The following KMO variants were observed in gnomAD, a reference collection of about 807,000 sequenced individuals.
The protein encoded by KMO is kynurenine 3-hydroxylase.
A neutral mutation model predicts 57.8 loss-of-function variants in KMO; 24 were observed. The ratio of observed to expected loss-of-function variants is 0.42; its 90% CI spans 0.30 to 0.58. The LOEUF (loss-of-function observed/expected upper bound fraction) is 0.58. Ranked by LOEUF, KMO falls within the 20% of genes least tolerant of loss-of-function variation. The probability of loss-of-function intolerance (pLI) is 0.22; values close to 1 mark genes in which losing one functional copy is unlikely to be tolerated. For synonymous variants in KMO, 210 were observed against 193.6 expected, an observed-to-expected ratio of 1.08 and a Z score of -0.70; for missense variants, 483 against 588.2, an observed-to-expected ratio of 0.82 and a Z score of 1.85.
At chr1:241,590,886 G>A (rs1558433887) in intron 14 of KMO, among the ~76,000 whole-genome samples, 1 of 152,172 alleles carries the variant, frequency 6.6e-6, no homozygotes. Context: ...GAGGAGAACA[G>A]GAGGGGCCAG....
intron 10 of KMO, among the ~76,000 whole-genome samples, chr1:241,583,325 G>C (rs1662829901): frequency 6.6e-6 from 1 of 152,164 alleles, no homozygotes. Context: ...CAAGGCCCAA[G>C]GGCTCTTTAG....
chr1:241,563,587 G>C (rs549324418), intron 7 of KMO, among the ~76,000 whole-genome samples: 1 of 152,164 alleles, frequency 6.6e-6, no homozygotes, highest in African/African-American at 2.4e-5. Context: ...CCCAGAATCT[G>C]ATAACTCTGG....
chr1:241,565,833 TC>T (rs1231393874), intron 8 of KMO, among the ~76,000 whole-genome samples: 1 of 152,164 alleles, frequency 6.6e-6, no homozygotes, highest in Non-Finnish European at 1.5e-5. Context: ...TTGGTATCTG[TC>T]CTGGGGTCCA....
intron 4 of KMO, among the ~76,000 whole-genome samples, chr1:241,552,561 C>G (rs1402102407): frequency 1.3e-5 from 2 of 152,074 alleles, no homozygotes; most frequent in African/African-American, 2.4e-5. Context: ...CTTGGTACCC[C>G]ACTCCCTCTC....
At position 241,594,647 on chromosome 1, in the gene KMO, C is replaced by T. The variant is rs1558435846; in HGVS notation, c.*2494C>T. On this transcript the variant is annotated 3_prime_UTR_variant, in exon 15 of 15. Coordinates refer to ENST00000366559, the MANE Select transcript of KMO (RefSeq NM_003679.5). ...GTAGGTCTTTAGCAGGCCTCTGGCA[C>T]CTCAGCAGTCGGAGGCACAGAAGCT... is the stretch of plus-strand genomic sequence containing the variant. The T allele has an allele frequency of 6.2e-7, 1 of 1,614,034 alleles. No homozygotes were observed. Among genetic ancestry groups the T allele is most frequent in the East Asian group, 2.2e-5 (1 of 44,870 alleles).
intron 14 of KMO, 57 bp from the exon 15 acceptor site, chr1:241,591,896 C>G: frequency 7.0e-7 from 1 of 1,425,508 alleles, no homozygotes. Flanking sequence ...AAAATGAAGT[C>G]TATTTTCAGA....
chr1:241,571,378 G>A (rs923411894), intron 10 of KMO, among the ~76,000 whole-genome samples: 1 of 152,080 alleles, frequency 6.6e-6, no homozygotes, highest in African/African-American at 2.4e-5. Context: ...GGAAAGGAAA[G>A]ATTTTCAGTT....
intron 1 of KMO, among the ~76,000 whole-genome samples, chr1:241,539,967 G>A (rs1374002257): frequency 6.6e-6 from 1 of 152,162 alleles, no homozygotes; most frequent in East Asian, 1.9e-4. Flanking sequence ...TAAGCACACT[G>A]CCTACAATCA....
chr1:241,586,448 C>G (rs560739051), intron 10 of KMO: 30 of 441,648 alleles, frequency 6.8e-5, no homozygotes, highest in South Asian at 6.4e-4. Flanking sequence ...GATCCGCTCA[C>G]CTCGGCCTCC....
chr1:241,565,558 TAAAAAAAA>T (rs56260608), intron 8 of KMO, among the ~76,000 whole-genome samples: 1 of 128,968 alleles, frequency 7.8e-6, no homozygotes, highest in African/African-American at 3.0e-5. Flanking sequence ...TTGCCTCTAC[TAAAAAAAA>T]AAAAAAAAAA....
intron 14 of KMO, among the ~76,000 whole-genome samples, chr1:241,591,045 A>C (rs1348083350): frequency 6.6e-6 from 1 of 152,198 alleles, no homozygotes; most frequent in African/African-American, 2.4e-5. Flanking sequence ...GGAGGCCAGC[A>C]GACTCAGGTA....
At chr1:241,563,254 G>A (rs1320338693) in intron 7 of KMO, among the ~76,000 whole-genome samples, 1 of 152,150 alleles carries the variant, frequency 6.6e-6, no homozygotes, top group Admixed American at 6.5e-5. Flanking sequence ...GCAAATAAGT[G>A]TAGGAACTTG....
intron 2 of KMO, 102 bp downstream of exon 2, chr1:241,549,000 A>C: frequency 4.1e-6 from 3 of 739,366 alleles, no homozygotes; most frequent in South Asian, 2.9e-5. Context: ...GGAGTTTGAG[A>C]CCAGCCTGGG....
chr1:241,575,120 GTTTCA>G (rs1662458635), intron 10 of KMO, among the ~76,000 whole-genome samples: 1 of 151,842 alleles, frequency 6.6e-6, no homozygotes, highest in Non-Finnish European at 1.5e-5. Flanking sequence ...AATGTCTCCA[GTTTCA>G]TTTCTAATTG....
chr1:241,553,407 C>T (rs1167160376), intron 4 of KMO, among the ~76,000 whole-genome samples: 2 of 152,182 alleles, frequency 1.3e-5, no homozygotes, highest in East Asian at 3.8e-4. Context: ...ATAATTTGGG[C>T]CAAGCACAGT....
rs1277728271 is a variant in KMO, at chr1:241,568,614, T to C, written c.924T>C (p.Ala308=). 5.6e-6 allele frequency: 9 copies of C among 1,613,822 alleles called. No individual in the cohort carries two copies. In the Admixed American group the frequency reaches 1.0e-4, roughly 18 times the overall value. The change falls in exon 10 of 15, where the codon GCT becomes GCC. Residue 308 remains alanine, a synonymous_variant. Transcript: ENST00000366559. ...TACTGCTGGGAGATGCAGCTCATGC[T>C]ATAGTGCCGTTTTTTGGGCAAGGAA... ...HCVLLGDAAH[A]IVPFFGQGMN...
chr1:241,570,061 C>T (rs529127326), intron 10 of KMO, among the ~76,000 whole-genome samples: 62 of 152,006 alleles, frequency 4.1e-4, no homozygotes, highest in Admixed American at 1.4e-3. Context: ...TTAAAACATC[C>T]ATTTTTAAAT....
chr1:241,576,145 G>A (rs926442890), intron 10 of KMO, among the ~76,000 whole-genome samples: 3 of 151,394 alleles, frequency 2.0e-5, no homozygotes, highest in Non-Finnish European at 4.4e-5. Flanking sequence ...TTGAGTTTGT[G>A]TGAGTCCTAT....
At chr1:241,571,065 T>C (rs907814499) in intron 10 of KMO, among the ~76,000 whole-genome samples, 1 of 152,144 alleles carries the variant, frequency 6.6e-6, no homozygotes, top group African/African-American at 2.4e-5. Context: ...CCTTCCTGGT[T>C]TCTTTTTCAG....
Sources: gnomAD v4.1 joint callset for allele counts (sites outside exome capture counted in the v4.1 genomes callset) on GRCh38, gnomAD v4.1.1 for gene constraint, MANE v1.5 for transcripts, NCBI Gene and HGNC (gene_info 2026-07-23, HGNC 2026-07-21) for gene names.